The following SARNP variants were observed in gnomAD, a reference collection of about 807,000 sequenced individuals.
SARNP encodes SAP domain-containing ribonucleoprotein.
Under a neutral mutation model 38.1 loss-of-function variants are expected in SARNP, and 5 were observed. The observed-to-expected ratio is 0.13, with a 90% CI of 0.07 to 0.28. The LOEUF (loss-of-function observed/expected upper bound fraction) is 0.28. SARNP is among the 10% of genes least tolerant of loss of function. The pLI, the probability that SARNP is intolerant of heterozygous loss-of-function variation, is 1.00. For missense variants in SARNP, 180 were observed against 243.9 expected (o/e 0.74, Z 1.75); for synonymous variants, 84 against 80.6 (o/e 1.04, Z -0.23).
chr12:55,777,499 C>T lies in SARNP; in HGVS notation c.501+11576G>A, dbSNP rs1028192761. On this transcript the variant is annotated intron_variant, in intron 9 of 10. Coordinates refer to ENST00000336133, the MANE Select transcript of SARNP (RefSeq NM_033082.4). ...AAGCGATTCTCCTGCCTCAGCCTCC[C>T]GAGTAGCTGGGACTACGGGCACATG... Among the ~76,000 whole-genome samples, 5 of 152,090 alleles carry T rather than the reference C, an allele frequency of 3.3e-5. No individual in the cohort carries two copies. In the East Asian group the frequency reaches 5.8e-4, roughly 18 times the overall value.
intron 1 of SARNP, chr12:55,816,024 T>C (rs1311473859): frequency 6.6e-6 from 1 of 152,254 alleles, no homozygotes; most frequent in Non-Finnish European, 1.5e-5. Context: ...TCTCTTAGAC[T>C]GTAACACTGA....
intron 1 of SARNP, among the ~76,000 whole-genome samples, chr12:55,808,832 CA>C: frequency 6.7e-6 from 1 of 150,236 alleles, no homozygotes; most frequent in East Asian, 2.0e-4. Flanking sequence ...TTTCTTTTTG[CA>C]CGTATTTCAG....
chr12:55,785,438 G>C (rs1879461815), intron 9 of SARNP, among the ~76,000 whole-genome samples: 1 of 151,940 alleles, frequency 6.6e-6, no homozygotes, highest in South Asian at 2.1e-4. Flanking sequence ...CATTTATTGA[G>C]GGTCAAAGTA....
chr12:55,817,001 G>A (rs1462917710), intron 1 of SARNP, among the ~76,000 whole-genome samples: 3 of 152,134 alleles, frequency 2.0e-5, no homozygotes. Flanking sequence ...GGTGTGTGAG[G>A]AAGGCTGGCG....
downstream of SARNP, chr12:55,756,535 C>T (rs1242172710): frequency 6.6e-6 from 1 of 152,152 alleles, no homozygotes; most frequent in East Asian, 1.9e-4. Context: ...GTACCAAAGT[C>T]TTCAGGTAAG....
At chr12:55,806,275 ATTT>A (rs1156430335) in intron 1 of SARNP, among the ~76,000 whole-genome samples, 2 of 142,752 alleles carry the variant, frequency 1.4e-5, no homozygotes, top group African/African-American at 2.5e-5. Flanking sequence ...ATTAAAAAAA[ATTT>A]TTTTTTTTTT....
Position 55,774,567 on chromosome 12 carries a change from AAAAAAAACAAAC to A in SARNP, c.502-13939_502-13928del, listed in dbSNP as rs1265278203. Among the ~76,000 whole-genome samples, 7 of 81,458 alleles carry A rather than the reference AAAAAAAACAAAC, an allele frequency of 8.6e-5. 1 individual carries two copies. The highest frequency in any genetic ancestry group is 1.0e-3 in the South Asian group (2 of 1,910). 53.4% of individuals were successfully genotyped at this position (81,458 alleles called of 152,430 possible). A position where few individuals can be genotyped will look rare whatever the true frequency, so the allele number is the denominator to read the frequency against. On this transcript the variant is annotated intron_variant, in intron 9 of 10. Coordinates refer to ENST00000336133, the MANE Select transcript of SARNP (RefSeq NM_033082.4). ...GAAACCCCGTCTCTACTGAAAAAAA[AAAAAAAACAAAC>A]AAAAAAAAAAAAACAAAAATTAGCC...
At chr12:55,764,130 T>C (rs564164198) in intron 9 of SARNP, among the ~76,000 whole-genome samples, 2 of 152,328 alleles carry the variant, frequency 1.3e-5, no homozygotes, top group Non-Finnish European at 2.9e-5. Flanking sequence ...TAACAGTATC[T>C]AGGAAAAGGG....
chr12:55,804,717 C>T (rs371110311), intron 1 of SARNP, among the ~76,000 whole-genome samples: 2 of 152,148 alleles, frequency 1.3e-5, no homozygotes, highest in South Asian at 2.1e-4. Flanking sequence ...CGAAGCACAA[C>T]GACATGCTGA....
At chr12:55,771,421 T>C (rs981372116) in intron 9 of SARNP, among the ~76,000 whole-genome samples, 5 of 152,204 alleles carry the variant, frequency 3.3e-5, no homozygotes, top group African/African-American at 1.2e-4. Context: ...GAAACATCGT[T>C]ATTCTCTGCG....
chr12:55,767,094 T>G (rs950702967), intron 9 of SARNP, among the ~76,000 whole-genome samples: 1 of 152,224 alleles, frequency 6.6e-6, no homozygotes, highest in African/African-American at 2.4e-5. Flanking sequence ...ACAAATTACA[T>G]GTGTAAAGAG....
At chr12:55,784,682 T>C (rs1253113653) in intron 9 of SARNP, among the ~76,000 whole-genome samples, 3 of 152,220 alleles carry the variant, frequency 2.0e-5, no homozygotes, top group Non-Finnish European at 2.9e-5. Context: ...GTGGGAGATA[T>C]AAGCTAGATA....
chr12:55,798,985 T>A (rs1307589062), intron 4 of SARNP, among the ~76,000 whole-genome samples: 1 of 152,170 alleles, frequency 6.6e-6, no homozygotes, highest in East Asian at 1.9e-4. Context: ...AGCATATAAC[T>A]AACACTTACA....
At chr12:55,809,816 T>TAC (rs1169838725) in intron 1 of SARNP, among the ~76,000 whole-genome samples, 3 of 151,346 alleles carry the variant, frequency 2.0e-5, no homozygotes, top group Non-Finnish European at 4.4e-5. Flanking sequence ...TAAAAAATAA[T>TAC]ACACACACAT....
chr12:55,783,866 G>A (rs542772839), intron 9 of SARNP, among the ~76,000 whole-genome samples: 1 of 152,164 alleles, frequency 6.6e-6, no homozygotes, highest in South Asian at 2.1e-4. Context: ...GTTGAGGCAG[G>A]AGGATCACTT....
chr12:55,774,882 T>TG (rs1879126525), intron 9 of SARNP, among the ~76,000 whole-genome samples: 1 of 142,746 alleles, frequency 7.0e-6, no homozygotes, highest in Non-Finnish European at 1.5e-5. Context: ...CATTTCTATT[T>TG]GTTTTTTTTT....
chr12:55,801,842 TCCGGG>T (rs1879989073), intron 2 of SARNP, among the ~76,000 whole-genome samples: 1 of 152,024 alleles, frequency 6.6e-6, no homozygotes, highest in South Asian at 2.1e-4. Context: ...GGTCTCAAAC[TCCGGG>T]CCTCAAGAGA....
At chr12:55,816,221 A>G (rs912996935) in intron 1 of SARNP, among the ~76,000 whole-genome samples, 1 of 152,246 alleles carries the variant, frequency 6.6e-6, no homozygotes. Context: ...AAATAGGAAG[A>G]AAATATTAGC....
intron 1 of SARNP, among the ~76,000 whole-genome samples, chr12:55,810,007 G>A (rs1880278470): frequency 6.6e-6 from 1 of 152,150 alleles, no homozygotes; most frequent in Admixed American, 6.5e-5. Flanking sequence ...TTATTTTTCA[G>A]TATCAATAAA....
Sources: allele counts gnomAD v4.1 joint callset (sites outside exome capture counted in the v4.1 genomes callset), GRCh38; gene constraint gnomAD v4.1.1; transcripts MANE v1.5; gene names NCBI Gene and HGNC (gene_info 2026-07-23, HGNC 2026-07-21).